The following DYNC2H1 variants were observed in gnomAD, a reference collection of about 807,000 sequenced individuals.
DYNC2H1 encodes the protein dynein cytoplasmic 2 heavy chain 1, also known as cytoplasmic dynein 2 heavy chain 1.
A neutral mutation model predicts 570.0 loss-of-function variants in DYNC2H1; 410 were observed. The observed-to-expected ratio is 0.72, with a 90% CI of 0.66 to 0.78. The LOEUF (loss-of-function observed/expected upper bound fraction) is 0.78, where lower values mean the gene tolerates loss of function less well. Among genes scored for constraint, DYNC2H1 ranks in the 30% least tolerant of loss-of-function variants. DYNC2H1 has a pLI of 0.00. For missense variants in DYNC2H1, 4,865 were observed against 5,046.4 expected (o/e 0.96, Z 1.09); for synonymous variants, 1,688 against 1,677.6 (o/e 1.01, Z -0.15).
intron 82 of DYNC2H1, among the ~76,000 whole-genome samples, chr11:103,333,015 A>G (rs1390195500): frequency 7.0e-6 from 1 of 143,218 alleles, no homozygotes; most frequent in Non-Finnish European, 1.5e-5. Flanking sequence ...AAAAAAAAAA[A>G]TCTTTCTTAA....
At chr11:103,328,084 A>G (rs1938588025) in intron 82 of DYNC2H1, among the ~76,000 whole-genome samples, 1 of 152,234 alleles carries the variant, frequency 6.6e-6, no homozygotes, top group Non-Finnish European at 1.5e-5. Flanking sequence ...GCAAAAAATT[A>G]TCCCAAATTT....
intron 88 of DYNC2H1, 133 bp downstream of exon 88, chr11:103,468,838 A>C (rs932061594): frequency 6.4e-6 from 4 of 624,194 alleles, no homozygotes; most frequent in Non-Finnish European, 1.1e-5. Flanking sequence ...ACAAATTTGC[A>C]GTCAAAAGTA....
rs567134343 is a variant in DYNC2H1 at position 103,413,127 on chromosome 11, C to CA, written c.12366+13260dup. 1.7e-4 allele frequency among the ~76,000 whole-genome samples: 26 copies of CA among 152,292 alleles called. No individual in the cohort carries two copies. The South Asian group carries it at 5.0e-3, about 29-fold the overall frequency. ...AAATACTGCAGTCAGAATTCACATC[C>CA]AAAAAGGCAGTACCTGCCATGTCAC... On this transcript the variant is annotated intron_variant, in intron 84 of 88. Coordinates refer to ENST00000375735, the MANE Select transcript of DYNC2H1 (RefSeq NM_001377.3).
rs117907269 is a variant in DYNC2H1 at position 103,369,894 on chromosome 11, T to C, written c.12156+11535T>C. On this transcript the variant is annotated intron_variant, in intron 83 of 88. Coordinates refer to ENST00000375735, the MANE Select transcript of DYNC2H1 (RefSeq NM_001377.3). The surrounding 1 kb of genome is among the most constrained non-coding windows in gnomAD (Gnocchi z 4.0). Reference sequence around the variant, plus strand: ...AGGTGAGACTCAGCACATTCCCAGCTGTGGTGGTTGTGGAGAAAGACTCCT... The same window carrying C: ...AGGTGAGACTCAGCACATTCCCAGCCGTGGTGGTTGTGGAGAAAGACTCCT... 2.3e-3 allele frequency among the ~76,000 whole-genome samples: 347 copies of C among 152,326 alleles called. No individual in the cohort carries two copies. The highest frequency in any genetic ancestry group is 3.3e-3 in the Non-Finnish European group (223 of 68,028).
At position 103,307,792 on chromosome 11, in the gene DYNC2H1, T is replaced by C. The variant is rs749280715; in HGVS notation, c.11454T>C (p.Thr3818=). 19 of 1,604,762 alleles carry C rather than the reference T, an allele frequency of 1.2e-5. No homozygotes were observed. Among genetic ancestry groups the C allele is most frequent in the Non-Finnish European group, 1.6e-5 (19 of 1,174,856 alleles). The change falls in exon 78 of 89, where the codon ACT becomes ACC. Residue 3818 remains threonine, a synonymous_variant. Transcript: ENST00000375735. The part of the protein sequence containing the change: ...WLTAEVHPNF[T]PILLQSSLKI... ...CTGCAGAAGTTCATCCCAACTTTAC[T>C]CCTATTTTACTACAGTCAAGTCTGA...
At chr11:103,451,364 T>A (rs1944597122) in intron 85 of DYNC2H1, among the ~76,000 whole-genome samples, 1 of 138,768 alleles carries the variant, frequency 7.2e-6, no homozygotes, top group Non-Finnish European at 1.5e-5. Flanking sequence ...GATGGAGTCT[T>A]GCTCTATCAC....
chr11:103,341,877 C>A (rs1007399892), intron 82 of DYNC2H1, among the ~76,000 whole-genome samples: 1 of 152,174 alleles, frequency 6.6e-6, no homozygotes, highest in African/African-American at 2.4e-5. Flanking sequence ...AAGGTTTCTT[C>A]AATTATTTCA....
In DYNC2H1 at chr11:103,143,380, T is replaced by C. The variant is rs757459718; in HGVS notation, c.2687T>C (p.Val896Ala). 6.2e-7 allele frequency: 1 copy of C among 1,610,312 alleles called. No homozygotes were observed. The highest frequency in any genetic ancestry group is 8.5e-7 in the Non-Finnish European group (1 of 1,178,650). The change falls in exon 18 of 89, where the codon GTA becomes GCA. Residue 896 changes from valine to alanine, a missense_variant. Coordinates refer to ENST00000375735, the MANE Select transcript of DYNC2H1 (RefSeq NM_001377.3). ...GCATTAAAAATAAAGGGGAAAGAAG[T>C]AGAACGACTTCCAAGGTATTGGAGG... is the stretch of plus-strand genomic sequence containing the variant. ...FKALKIKGKE[V>A]ERLPSAVKVD... is the part of the protein sequence containing the mutation.
At chr11:103,259,845 A>G in intron 69 of DYNC2H1, 43 bp from the exon 70 acceptor site, 1 of 1,316,926 alleles carries the variant, frequency 7.6e-7, no homozygotes, top group Non-Finnish European at 1.0e-6. Flanking sequence ...TACTTTTTAA[A>G]TGTTTATAAA....
chr11:103,129,985 A>G lies in DYNC2H1; in HGVS notation c.1953+980A>G, dbSNP rs969386352. Among the ~76,000 whole-genome samples, 2 of 152,204 alleles carry G rather than the reference A, an allele frequency of 1.3e-5. No homozygotes were observed. The highest frequency in any genetic ancestry group is 3.8e-4 in the East Asian group (2 of 5,198). ...AGTATTTATTACGGTGAATGCATAC[A>G]AAGCAAAATCAGCAAAGGGAAAGGT... On this transcript the variant is annotated intron_variant, in intron 13 of 88. Transcript: ENST00000375735. This position sits in a 1 kb window ranked among gnomAD's most constrained non-coding sequence, Gnocchi z 4.1.
chr11:103,116,269 A>G (rs1160158539), intron 4 of DYNC2H1, among the ~76,000 whole-genome samples: 2 of 152,184 alleles, frequency 1.3e-5, no homozygotes, highest in Non-Finnish European at 2.9e-5. Context: ...TGGAGTTGAG[A>G]TAACCTTTAA....
intron 84 of DYNC2H1, chr11:103,404,240 A>C (rs893389290): frequency 1.3e-5 from 2 of 151,852 alleles, no homozygotes; most frequent in Non-Finnish European, 2.9e-5. Context: ...TATCTTATCA[A>C]GAAATTCATA....
Position 103,152,847 on chromosome 11 carries a change from A to G in DYNC2H1, c.3097-456A>G, listed in dbSNP as rs537009640. On this transcript the variant is annotated intron_variant, in intron 21 of 88. Coordinates refer to ENST00000375735, the MANE Select transcript of DYNC2H1 (RefSeq NM_001377.3). ...GCAGCATCTGTCTTTTAAAGACACAACCTGGAAGTTGCACATATCTACTGC... is the reference window on the plus strand; with the variant it reads ...GCAGCATCTGTCTTTTAAAGACACAGCCTGGAAGTTGCACATATCTACTGC... 3.3e-5 allele frequency among the ~76,000 whole-genome samples: 5 copies of G among 152,118 alleles called. 1 individual carries two copies. The highest frequency in any genetic ancestry group is 7.4e-5 in the Non-Finnish European group (5 of 67,996).
In DYNC2H1 at chr11:103,245,320, G is replaced by T; in HGVS notation, c.9988G>T (p.Asp3330Tyr). 1 of 1,573,682 alleles carries T rather than the reference G, an allele frequency of 6.4e-7. No individual in the cohort carries two copies. Among genetic ancestry groups the T allele is most frequent in the East Asian group, 2.3e-5 (1 of 43,200 alleles). ...GAAAACCCTTATTATACAAGAGATG[G>T]ATGGTGTAGAACCTGTTCTTTATCC... ...FGKTLIIQEM[D>Y]GVEPVLYPLL... The change falls in exon 65 of 89, where the codon GAT becomes TAT. Residue 3330 changes from aspartate to tyrosine, a missense_variant. Physicochemically the swap from Asp to Tyr is radical, Grantham distance 160 (BLOSUM62 -3). Transcript: ENST00000375735. The surrounding 1 kb of genome is among the most constrained non-coding windows in gnomAD (Gnocchi z 4.5).
intron 83 of DYNC2H1, among the ~76,000 whole-genome samples, chr11:103,377,638 C>A (rs1359553639): frequency 6.6e-6 from 1 of 151,748 alleles, no homozygotes; most frequent in African/African-American, 2.4e-5. Context: ...ACATTTATTT[C>A]TAGTATGAAT....
At position 103,265,390 on chromosome 11, in the gene DYNC2H1, A is replaced by G. The variant is rs189431362; in HGVS notation, c.10695+5413A>G. ...ACTTAAGTAAAATTTTAAAAAACAG[A>G]AAAGAAAGATAGTCTTCAAGCTCTC... On this transcript the variant is annotated intron_variant, in intron 70 of 88. Coordinates refer to ENST00000375735, the MANE Select transcript of DYNC2H1 (RefSeq NM_001377.3). Among the ~76,000 whole-genome samples the G allele has an allele frequency of 3.7e-3, 564 of 152,234 alleles. 7 individuals carry two copies. Among genetic ancestry groups the G allele is most frequent in the Admixed American group, 0.02 (313 of 15,292 alleles).
At chr11:103,437,741 T>A (rs991658630) in intron 85 of DYNC2H1, among the ~76,000 whole-genome samples, 5 of 152,164 alleles carry the variant, frequency 3.3e-5, no homozygotes, top group Non-Finnish European at 7.4e-5. Flanking sequence ...AATTTACCAC[T>A]TCATGTACTT....
At position 103,326,611 on chromosome 11, in the gene DYNC2H1, G is replaced by A. The variant is rs1020231614; in HGVS notation, c.12039+2621G>A. On this transcript the variant is annotated intron_variant, in intron 82 of 88. Coordinates refer to ENST00000375735, the MANE Select transcript of DYNC2H1 (RefSeq NM_001377.3). This position sits in a 1 kb window ranked among gnomAD's most constrained non-coding sequence, Gnocchi z 6.1. Reference sequence around the variant, plus strand: ...TGGGGTCAGACTCTGGCAGCACTGGGGGATCTGAAGTGCCCCTAGGTTACT... The same window carrying A: ...TGGGGTCAGACTCTGGCAGCACTGGAGGATCTGAAGTGCCCCTAGGTTACT... Among the ~76,000 whole-genome samples, 1 of 152,198 alleles carries A rather than the reference G, an allele frequency of 6.6e-6. No individual in the cohort carries two copies. Among genetic ancestry groups the A allele is most frequent in the African/African-American group, 2.4e-5 (1 of 41,454 alleles).
At position 103,253,402 on chromosome 11, in the gene DYNC2H1, T is replaced by G; in HGVS notation, c.10160T>G (p.Val3387Gly). The G allele has an allele frequency of 6.2e-7, 1 of 1,613,320 alleles. No individual in the cohort carries two copies. Among genetic ancestry groups the G allele is most frequent in the Non-Finnish European group, 8.5e-7 (1 of 1,179,462 alleles). ...PFIPPDAASI[V>G]TEVNFTTTRS... ...ATTCCACCGGATGCAGCTTCCATTG[T>G]TACTGAGGTTAACTTTACTACAACA... The change falls in exon 66 of 89, where the codon GTT (valine) becomes GGT (glycine). Residue 3387 changes from valine (V) to glycine (G), a missense_variant. By Grantham distance (109) the Val-to-Gly change is moderately radical. This residue lies in a region of DYNC2H1 where 2,401 missense variants were observed against 2,454.6 expected (regional missense o/e 0.98). Transcript: ENST00000375735.
Sources: allele counts gnomAD v4.1 joint callset (sites outside exome capture counted in the v4.1 genomes callset), GRCh38; gene constraint gnomAD v4.1.1; regional missense constraint gnomAD v4.1.1; non-coding constraint Gnocchi (gnomAD v3.1); transcripts MANE v1.5; gene names NCBI Gene and HGNC (gene_info 2026-07-23, HGNC 2026-07-21).